Variants in JPH3 observed in about 807,000 individuals in gnomAD.
The protein encoded by JPH3 is junctophilin-3.
In JPH3, 11 loss-of-function variants were observed where a neutral mutation model predicts 59.6. That is an observed-to-expected ratio of 0.18 (90% CI 0.12 to 0.31). The LOEUF is 0.31. Among genes scored for constraint, JPH3 ranks in the 10% least tolerant of loss-of-function variants. JPH3 has a pLI of 1.00. For missense variants in JPH3, 1,202 were observed against 1,105.7 expected (o/e 1.09, Z -1.24); for synonymous variants, 673 against 483.6 (o/e 1.39, Z -5.14).
intron 1 of JPH3, among the ~76,000 whole-genome samples, chr16:87,625,303 G>C (rs1021250731): frequency 3.9e-5 from 6 of 152,210 alleles, no homozygotes; most frequent in African/African-American, 1.4e-4. Context: ...CACAGTCGGT[G>C]CTGGGCAGGT....
chr16:87,651,380 G>T (rs2032320236), intron 2 of JPH3, among the ~76,000 whole-genome samples: 1 of 152,206 alleles, frequency 6.6e-6, no homozygotes, highest in Non-Finnish European at 1.5e-5. Flanking sequence ...TATTATTTAA[G>T]AAATACATTT....
intron 2 of JPH3, chr16:87,653,916 C>T (rs893383558): frequency 2.6e-5 from 4 of 152,266 alleles, no homozygotes; most frequent in Admixed American, 2.6e-4. Flanking sequence ...ACGACACTCG[C>T]CTCCAGGAAG....
intron 2 of JPH3, among the ~76,000 whole-genome samples, chr16:87,678,562 ATG>A (rs1483511433): frequency 1.3e-5 from 2 of 152,076 alleles, no homozygotes; most frequent in African/African-American, 4.8e-5. Flanking sequence ...ATATATATAT[ATG>A]TGTGTGTCTG....
rs141223043 is a variant in JPH3 at position 87,620,806 on chromosome 16, G to A, written c.382+17278G>A. Among the ~76,000 whole-genome samples the A allele has an allele frequency of 2.3e-3, 352 of 152,354 alleles. 2 individuals carry two copies. The highest frequency in any genetic ancestry group is 8.0e-3 in the African/African-American group (334 of 41,588). ...GGGGCGGCACTGGGCCTCCCTGCCC[G>A]CCTGCCTCAGTCTGGCCCTGTGAAG... On this transcript the variant is annotated intron_variant, in intron 1 of 4. Coordinates refer to ENST00000284262, the MANE Select transcript of JPH3 (RefSeq NM_020655.4).
chr16:87,636,039 G>T lies in JPH3; in HGVS notation c.383-8219G>T, dbSNP rs573608582. 1.4e-4 allele frequency among the ~76,000 whole-genome samples: 21 copies of T among 152,370 alleles called. No homozygotes were observed. The South Asian group carries it at 4.1e-3, about 30-fold the overall frequency. On this transcript the variant is annotated intron_variant, in intron 1 of 4. Coordinates refer to ENST00000284262, the MANE Select transcript of JPH3 (RefSeq NM_020655.4). ...GTGCTGACCGAGCCAGACCCTCGCG[G>T]CGGCCCACAGAGATGGGCAGCTTGC...
intron 4 of JPH3, chr16:87,696,368 G>C: frequency 1.7e-6 from 1 of 592,332 alleles, no homozygotes; most frequent in Non-Finnish European, 3.0e-6. Flanking sequence ...AACCTCAGAC[G>C]TACAGGCAGC....
intron 1 of JPH3, among the ~76,000 whole-genome samples, chr16:87,608,733 C>G (rs2030622562): frequency 6.6e-6 from 1 of 152,218 alleles, no homozygotes; most frequent in African/African-American, 2.4e-5. Context: ...CACACTCAAC[C>G]ACCAGAAGTG....
chr16:87,688,569 C>T lies in JPH3; in HGVS notation c.1286-1077C>T, dbSNP rs114424733. Among the ~76,000 whole-genome samples the T allele has an allele frequency of 8.1e-4, 123 of 152,158 alleles. 1 individual carries two copies. Among genetic ancestry groups the T allele is most frequent in the African/African-American group, 3.0e-3 (123 of 41,488 alleles). On this transcript the variant is annotated intron_variant, in intron 3 of 4. Coordinates refer to ENST00000284262, the MANE Select transcript of JPH3 (RefSeq NM_020655.4). ...CGAGCGTGAGAGACTCTAAGATGGG[C>T]AGTGGCTCTTGGTGTCCGAGCTGGT...
Position 87,653,070 on chromosome 16 carries a change from G to C in JPH3, c.1160+8035G>C, listed in dbSNP as rs549426310. Among the ~76,000 whole-genome samples the C allele has an allele frequency of 1.8e-3, 268 of 152,094 alleles. 2 individuals carry two copies. The highest frequency in any genetic ancestry group is 6.8e-3 in the Middle Eastern group (2 of 294). Reference sequence around the variant, plus strand: ...GGTCTCCAAGCCAGTCAGTGCCTGCGGGGGGGACTAGAATTCTCACCCAGG... The same window carrying C: ...GGTCTCCAAGCCAGTCAGTGCCTGCCGGGGGGACTAGAATTCTCACCCAGG... On this transcript the variant is annotated intron_variant, in intron 2 of 4. Transcript: ENST00000284262.
At chr16:87,674,824 G>A (rs556534549) in intron 2 of JPH3, among the ~76,000 whole-genome samples, 24 of 152,192 alleles carry the variant, frequency 1.6e-4, no homozygotes, top group Middle Eastern at 3.4e-3. Context: ...GCAGTGGCGC[G>A]ATCTTGTCTC....
intron 1 of JPH3, among the ~76,000 whole-genome samples, chr16:87,608,708 T>A (rs937357494): frequency 6.6e-6 from 1 of 152,164 alleles, no homozygotes; most frequent in Non-Finnish European, 1.5e-5. Flanking sequence ...GACCGCCTGG[T>A]CCCGGACCCT....
intron 1 of JPH3, among the ~76,000 whole-genome samples, chr16:87,623,295 G>A (rs890509179): frequency 6.6e-6 from 1 of 152,250 alleles, no homozygotes; most frequent in Non-Finnish European, 1.5e-5. Context: ...AGGGGCAGGC[G>A]AGGGTGGACA....
intron 4 of JPH3, 139 bp downstream of exon 4, chr16:87,690,665 G>T: frequency 1.1e-6 from 1 of 932,664 alleles, no homozygotes; most frequent in Non-Finnish European, 1.4e-6. Context: ...GGGTACAGCC[G>T]GGAGTGGTGG....
chr16:87,624,391 C>G (rs547329671), intron 1 of JPH3, among the ~76,000 whole-genome samples: 1 of 152,172 alleles, frequency 6.6e-6, no homozygotes, highest in Non-Finnish European at 1.5e-5. Flanking sequence ...CCTGACGTTT[C>G]GCATGCGTGG....
At chr16:87,624,508 T>G (rs1359668356) in intron 1 of JPH3, among the ~76,000 whole-genome samples, 1 of 152,230 alleles carries the variant, frequency 6.6e-6, no homozygotes, top group Admixed American at 6.5e-5. Flanking sequence ...TATCGCTGAG[T>G]AATATTCCAC....
chr16:87,612,480 T>C (rs935794386), intron 1 of JPH3, among the ~76,000 whole-genome samples: 2 of 152,160 alleles, frequency 1.3e-5, no homozygotes, highest in Non-Finnish European at 2.9e-5. Flanking sequence ...TTCCAGGTGA[T>C]TCTAACGTTC....
At chr16:87,637,665 A>G (rs1044637606) in intron 1 of JPH3, among the ~76,000 whole-genome samples, 1 of 151,896 alleles carries the variant, frequency 6.6e-6, no homozygotes, top group Non-Finnish European at 1.5e-5. Flanking sequence ...CTCGGGGACA[A>G]CCCTGGGATA....
intron 1 of JPH3, among the ~76,000 whole-genome samples, chr16:87,636,036 G>T (rs911483690): frequency 6.6e-6 from 1 of 152,122 alleles, no homozygotes; most frequent in African/African-American, 2.4e-5. Context: ...CCAGACCCTC[G>T]CGGCGGCCCA....
intron 2 of JPH3, chr16:87,655,082 TC>T (rs1488153951): frequency 6.6e-6 from 1 of 152,112 alleles, no homozygotes; most frequent in African/African-American, 2.4e-5. Flanking sequence ...GTCGAGTGTC[TC>T]GAGTGGGGCT....
Sources: gnomAD v4.1 joint callset for allele counts (sites outside exome capture counted in the v4.1 genomes callset) on GRCh38, gnomAD v4.1.1 for gene constraint, MANE v1.5 for transcripts, NCBI Gene and HGNC (gene_info 2026-07-23, HGNC 2026-07-21) for gene names.